Variants in COL28A1 observed in about 807,000 individuals in gnomAD.
The protein encoded by COL28A1 is collagen alpha-1(XXVIII) chain.
A neutral mutation model predicts 150.2 loss-of-function variants in COL28A1; 161 were observed. That is an observed-to-expected ratio of 1.07 (90% confidence interval 0.94 to 1.22). The LOEUF is 1.22. COL28A1 is among the 50% of genes most tolerant of loss of function. COL28A1 has a pLI of 0.00. For missense variants in COL28A1, 1,617 were observed against 1,388.3 expected, an observed-to-expected ratio of 1.16 and a Z score of -2.62; for synonymous variants, 552 against 469.7, an observed-to-expected ratio of 1.18 and a Z score of -2.26.
In COL28A1 at chr7:7,443,637, G is replaced by A. The variant is rs200003870; in HGVS notation, c.1598C>T (p.Pro533Leu). ...TGGTCCTTCTGGGCCTCTTGCTCCC[G>A]GAAGCCCCGCTTCTCCCTAGAGAAA... is the stretch of plus-strand genomic sequence containing the variant. The part of the protein sequence containing the change: ...AAGKKGEAGL[P>L]GARGPEGPPG... Residue 533 changes from proline (P) to leucine (L), a missense_variant, in exon 20 of 35, where the codon CCG becomes CTG. Physicochemically the swap from Pro to Leu is moderately conservative, Grantham distance 98. Coordinates refer to ENST00000399429, the MANE Select transcript of COL28A1 (RefSeq NM_001037763.3). 1.0e-4 allele frequency: 169 copies of A among 1,613,806 alleles called. No homozygotes were observed. Among genetic ancestry groups the A allele is most frequent in the Admixed American group, 1.3e-4 (8 of 59,976 alleles).
At chr7:7,469,510 A>C (rs1361137165) in intron 15 of COL28A1, among the ~76,000 whole-genome samples, 2 of 63,872 alleles carry the variant, frequency 3.1e-5, no homozygotes, top group East Asian at 1.0e-3. Context: ...GGAAGAATCA[A>C]TATCGTGAAA....
At chr7:7,528,652 A>C (rs1583578205) in intron 3 of COL28A1, among the ~76,000 whole-genome samples, 2 of 152,346 alleles carry the variant, frequency 1.3e-5, no homozygotes, top group Middle Eastern at 3.4e-3. Context: ...AAAATAATAC[A>C]TACTATTTGA....
At chr7:7,463,704 T>A (rs540443964) in intron 15 of COL28A1, among the ~76,000 whole-genome samples, 7 of 152,116 alleles carry the variant, frequency 4.6e-5, no homozygotes, top group African/African-American at 1.7e-4. Context: ...TGGAAACACA[T>A]CAAAACAGAA....
chr7:7,366,637 G>A (rs145452598), intron 33 of COL28A1, among the ~76,000 whole-genome samples: 1 of 152,254 alleles, frequency 6.6e-6, no homozygotes, highest in Non-Finnish European at 1.5e-5. Flanking sequence ...CACGGTGAGA[G>A]AATGCTAATT....
chr7:7,484,958 A>G (rs992992519), intron 13 of COL28A1, among the ~76,000 whole-genome samples: 6 of 152,156 alleles, frequency 3.9e-5, no homozygotes, highest in Non-Finnish European at 7.4e-5. Context: ...GGAACAGCAG[A>G]CACTGGGGCC....
intron 23 of COL28A1, among the ~76,000 whole-genome samples, chr7:7,433,401 T>A (rs1230284087): frequency 1.3e-5 from 2 of 152,068 alleles, no homozygotes; most frequent in East Asian, 3.9e-4. Flanking sequence ...TTTGGGAAGC[T>A]GAGGTGGGTG....
intron 28 of COL28A1, 92 bp downstream of exon 28, chr7:7,381,452 G>T: frequency 2.4e-6 from 2 of 839,902 alleles, no homozygotes; most frequent in South Asian, 1.6e-5. Context: ...GTAAGGGGAA[G>T]AGTGACACAT....
chr7:7,364,112 T>G (rs893522843), intron 33 of COL28A1, among the ~76,000 whole-genome samples: 1 of 152,124 alleles, frequency 6.6e-6, no homozygotes, highest in African/African-American at 2.4e-5. Flanking sequence ...AATAACCCAG[T>G]CAGTACTGAT....
chr7:7,382,200 T>G (rs1396785667), intron 27 of COL28A1, among the ~76,000 whole-genome samples: 1 of 151,818 alleles, frequency 6.6e-6, no homozygotes, highest in Non-Finnish European at 1.5e-5. Flanking sequence ...GTCCCAGCTA[T>G]GCAGGCGGGT....
At chr7:7,397,100 A>G (rs562311233) in intron 27 of COL28A1, among the ~76,000 whole-genome samples, 42 of 152,328 alleles carry the variant, frequency 2.8e-4, no homozygotes, top group Non-Finnish European at 5.3e-4. Context: ...ATTCTCTTAC[A>G]GTTCTGGAAG....
chr7:7,361,509 T>A (rs1286899179), intron 33 of COL28A1, among the ~76,000 whole-genome samples: 1 of 152,210 alleles, frequency 6.6e-6, no homozygotes, highest in Non-Finnish European at 1.5e-5. Flanking sequence ...ATCTATTGTT[T>A]CCTGACTTTT....
At chr7:7,428,095 T>C (rs1375167123) in intron 25 of COL28A1, among the ~76,000 whole-genome samples, 4 of 152,232 alleles carry the variant, frequency 2.6e-5, no homozygotes, top group Admixed American at 1.3e-4. Flanking sequence ...AAAAATGTCA[T>C]AATATTCTGG....
intron 10 of COL28A1, 93 bp from the exon 11 acceptor site, chr7:7,506,160 G>T: frequency 2.6e-6 from 2 of 768,282 alleles, no homozygotes; most frequent in South Asian, 1.5e-5. Flanking sequence ...CCTGGCGATC[G>T]AAGTTAGACT....
rs561567353 is a variant in COL28A1, at chr7:7,502,191, C to T, written c.1026+3823G>A. On this transcript the variant is annotated intron_variant, in intron 11 of 34. Transcript: ENST00000399429. Reference sequence around the variant, plus strand: ...CTGGGATTACAGGCGTGAGCCACTGCGCCTGGCTGAGATGTTCTTATGAAT... The same window carrying T: ...CTGGGATTACAGGCGTGAGCCACTGTGCCTGGCTGAGATGTTCTTATGAAT... Among the ~76,000 whole-genome samples the T allele has an allele frequency of 7.9e-5, 12 of 152,270 alleles. No individual in the cohort carries two copies. The South Asian group carries it at 1.9e-3, about 24-fold the overall frequency.
chr7:7,344,437 T>C, the COL28A1 span, among the ~76,000 whole-genome samples: 2 of 152,152 alleles, frequency 1.3e-5, no homozygotes, highest in Admixed American at 6.6e-5. Flanking sequence ...GTGATTATAA[T>C]ATGCATTTTT....
the COL28A1 span, among the ~76,000 whole-genome samples, chr7:7,339,741 C>T: frequency 6.6e-6 from 1 of 152,182 alleles, no homozygotes. Flanking sequence ...GCTGTGTTGT[C>T]CACCAAATTT....
chr7:7,428,979 T>C (rs761530545), intron 25 of COL28A1, among the ~76,000 whole-genome samples: 46 of 152,338 alleles, frequency 3.0e-4, no homozygotes, highest in Non-Finnish European at 5.6e-4. Context: ...CAACTGCTTT[T>C]TATATGTTTT....
At position 7,519,855 on chromosome 7, in the gene COL28A1, A is replaced by G. The variant is rs565637596; in HGVS notation, c.813+207T>C. On this transcript the variant is annotated intron_variant, in intron 6 of 34. Coordinates refer to ENST00000399429, the MANE Select transcript of COL28A1 (RefSeq NM_001037763.3). ...AGGTTTCCTAAACTTACTGACTAAAATGTTCATATATGTTACTCAGAATTT... is the reference window on the plus strand; with the variant it reads ...AGGTTTCCTAAACTTACTGACTAAAGTGTTCATATATGTTACTCAGAATTT... Among the ~76,000 whole-genome samples the G allele has an allele frequency of 2.0e-5, 3 of 152,304 alleles. No individual in the cohort carries two copies. The South Asian group carries it at 6.2e-4, about 32-fold the overall frequency.
chr7:7,497,094 A>AAGG (rs1562834256), intron 11 of COL28A1, among the ~76,000 whole-genome samples: 5,557 of 123,458 alleles, frequency 0.045, 164 homozygotes, highest in Middle Eastern at 0.09. Flanking sequence ...AGGAAGGAAG[A>AAGG]AAGGAAGGAA....
Sources: allele counts gnomAD v4.1 joint callset (sites outside exome capture counted in the v4.1 genomes callset), GRCh38; gene constraint gnomAD v4.1.1; transcripts MANE v1.5; gene names NCBI Gene and HGNC (gene_info 2026-07-23, HGNC 2026-07-21).